The following MBD5 variants were observed in gnomAD, a reference collection of about 807,000 sequenced individuals.
MBD5 encodes methyl-CpG binding domain protein 5, also known as methyl-CpG-binding domain protein 5.
MBD5 carries 13 observed loss-of-function variants against 117.3 expected under a neutral mutation model. The observed-to-expected ratio is 0.11, with a 90% confidence interval of 0.07 to 0.18. The LOEUF is 0.18. MBD5 is among the 10% of genes least tolerant of loss of function. The pLI is 1.00. For missense variants in MBD5, 1,879 were observed against 2,093.8 expected (o/e 0.90, Z 2.00); for synonymous variants, 727 against 766.4 (o/e 0.95, Z 0.85).
chr2:148,490,288 A>C lies in MBD5; in HGVS notation c.4656A>C (p.Pro1552=). The C allele has an allele frequency of 1.2e-6, 2 of 1,614,220 alleles. No individual in the cohort carries two copies. Among genetic ancestry groups the C allele is most frequent in the East Asian group, 4.5e-5 (2 of 44,886 alleles). ...ACCTGGTCCTAGAGGAGCAGTCTCC[A>C]AGTTCCTCAAATAGTTTGGAAAATT... ...KQDLVLEEQS[P]SSSNSLENSL... Residue 1552 remains proline (P), a synonymous_variant, in exon 11 of 14, where the codon CCA becomes CCC. Transcript: ENST00000642680.
At chr2:148,038,135 C>T (rs1303529195) in intron 1 of MBD5, among the ~76,000 whole-genome samples, 1 of 151,904 alleles carries the variant, frequency 6.6e-6, no homozygotes, top group African/African-American at 2.4e-5. Flanking sequence ...TAATATCTGC[C>T]ATAAGAAATA....
intron 2 of MBD5, among the ~76,000 whole-genome samples, chr2:148,213,712 G>A (rs988122789): frequency 2.0e-4 from 31 of 152,022 alleles, no homozygotes; most frequent in Admixed American, 1.2e-3. Context: ...GACTTTTAAC[G>A]TATTTGAGAC....
intron 3 of MBD5, among the ~76,000 whole-genome samples, chr2:148,257,853 G>C (rs540960471): frequency 2.0e-5 from 3 of 152,164 alleles, no homozygotes; most frequent in Non-Finnish European, 2.9e-5. Flanking sequence ...AGTCCACTAC[G>C]TAGTGGTACT....
chr2:148,116,994 A>G (rs1696655174), intron 1 of MBD5, among the ~76,000 whole-genome samples: 1 of 152,212 alleles, frequency 6.6e-6, no homozygotes, highest in South Asian at 2.1e-4. Context: ...AAGGTAGATC[A>G]GTCATTCCTT....
chr2:148,245,072 G>A (rs1173901369), intron 3 of MBD5, among the ~76,000 whole-genome samples: 4 of 152,150 alleles, frequency 2.6e-5, no homozygotes, highest in Admixed American at 2.6e-4. Flanking sequence ...GATCACTATT[G>A]AATCTAACTT....
intron 4 of MBD5, among the ~76,000 whole-genome samples, chr2:148,445,222 G>A (rs898567369): frequency 3.3e-5 from 5 of 150,948 alleles, no homozygotes; most frequent in Non-Finnish European, 7.4e-5. Context: ...GTGCCATGTT[G>A]GTGTGCTGCA....
At chr2:148,310,049 G>A (rs1296697351) in intron 3 of MBD5, among the ~76,000 whole-genome samples, 1 of 152,172 alleles carries the variant, frequency 6.6e-6, no homozygotes, top group African/African-American at 2.4e-5. Context: ...CAGTTTGCCA[G>A]TATTTTATTG....
At chr2:148,505,294 G>A (rs963042033) in intron 12 of MBD5, among the ~76,000 whole-genome samples, 2 of 152,134 alleles carry the variant, frequency 1.3e-5, no homozygotes, top group African/African-American at 4.8e-5. Context: ...AGGATAGGCT[G>A]GACATACGTG....
intron 1 of MBD5, among the ~76,000 whole-genome samples, chr2:148,036,064 A>G (rs1025276397): frequency 1.3e-5 from 2 of 152,184 alleles, no homozygotes; most frequent in African/African-American, 4.8e-5. Flanking sequence ...TTTGAAATGT[A>G]TACCAGACTT....
intron 1 of MBD5, chr2:148,027,861 T>C (rs1360769609): frequency 6.6e-6 from 1 of 152,170 alleles, no homozygotes; most frequent in African/African-American, 2.4e-5. Context: ...GCAAATGTTT[T>C]GTTGCTTATA....
intron 3 of MBD5, among the ~76,000 whole-genome samples, chr2:148,314,103 C>T (rs1036602935): frequency 6.6e-6 from 1 of 151,888 alleles, no homozygotes; most frequent in Non-Finnish European, 1.5e-5. Flanking sequence ...TGCCAGCCAC[C>T]CTGCTTGTAC....
intron 4 of MBD5, among the ~76,000 whole-genome samples, chr2:148,406,793 C>T (rs550477092): frequency 1.1e-4 from 16 of 152,248 alleles, no homozygotes; most frequent in African/African-American, 3.9e-4. Flanking sequence ...GTTTCTGTTG[C>T]CTGGAATACT....
At chr2:148,331,869 T>C (rs1371022981) in intron 3 of MBD5, among the ~76,000 whole-genome samples, 5 of 152,090 alleles carry the variant, frequency 3.3e-5, no homozygotes, top group Non-Finnish European at 7.4e-5. Flanking sequence ...AAATAATACA[T>C]GGTAGCAATC....
chr2:148,147,844 C>T (rs567742084), intron 1 of MBD5, among the ~76,000 whole-genome samples: 7 of 152,150 alleles, frequency 4.6e-5, no homozygotes, highest in Admixed American at 4.6e-4. Flanking sequence ...CTGTCTTAGC[C>T]TTAGCCTTCA....
intron 4 of MBD5, among the ~76,000 whole-genome samples, chr2:148,415,159 AGGT>A (rs1219910218): frequency 6.6e-6 from 1 of 152,132 alleles, no homozygotes; most frequent in Non-Finnish European, 1.5e-5. Context: ...AAGGCAGATG[AGGT>A]GGTAGTGAAT....
At chr2:148,454,265 ATT>A (rs1318320257) in intron 4 of MBD5, among the ~76,000 whole-genome samples, 2 of 152,182 alleles carry the variant, frequency 1.3e-5, no homozygotes, top group Admixed American at 6.6e-5. Flanking sequence ...TCAGAGAACA[ATT>A]TGGCAATATC....
intron 4 of MBD5, among the ~76,000 whole-genome samples, chr2:148,397,869 T>C (rs1285977138): frequency 4.6e-5 from 7 of 151,350 alleles, no homozygotes; most frequent in African/African-American, 7.3e-5. Flanking sequence ...GTTCTCATTG[T>C]TCAGTTCCCA....
chr2:148,205,176 A>G (rs1343158849), intron 2 of MBD5, among the ~76,000 whole-genome samples: 1 of 152,030 alleles, frequency 6.6e-6, no homozygotes, highest in Non-Finnish European at 1.5e-5. Context: ...TCCCAGGTTC[A>G]AGCGATTCTC....
chr2:148,226,380 G>T (rs921015637), intron 2 of MBD5, among the ~76,000 whole-genome samples: 2 of 151,968 alleles, frequency 1.3e-5, no homozygotes, highest in African/African-American at 4.8e-5. Flanking sequence ...TTTTGTCCTT[G>T]TGATAGTTTG....
Sources: gnomAD v4.1 joint callset for allele counts (sites outside exome capture counted in the v4.1 genomes callset) on GRCh38, gnomAD v4.1.1 for gene constraint, MANE v1.5 for transcripts, NCBI Gene and HGNC (gene_info 2026-07-23, HGNC 2026-07-21) for gene names.